JARID2: variants seen among roughly 807,000 people sequenced by gnomAD.
JARID2 encodes protein Jumonji.
Under a neutral mutation model 125.6 loss-of-function variants are expected in JARID2, and 21 were observed. The observed-to-expected ratio is 0.17, with a 90% CI of 0.12 to 0.24. The LOEUF (loss-of-function observed/expected upper bound fraction) is 0.24. Ranked by LOEUF, JARID2 falls within the 10% of genes least tolerant of loss-of-function variation. The pLI, the probability that JARID2 is intolerant of heterozygous loss-of-function variation, is 1.00. For synonymous variants in JARID2, 736 were observed against 661.6 expected, an observed-to-expected ratio of 1.11 and a Z score of -1.73; for missense variants, 1,303 against 1,639.6, an observed-to-expected ratio of 0.79 and a Z score of 3.55.
At chr6:15,420,241 A>G (rs1433398693) in intron 3 of JARID2, among the ~76,000 whole-genome samples, 1 of 152,118 alleles carries the variant, frequency 6.6e-6, no homozygotes, top group Non-Finnish European at 1.5e-5. Flanking sequence ...TGTCTCTACT[A>G]AAAATACAAA....
intron 1 of JARID2, among the ~76,000 whole-genome samples, chr6:15,359,798 T>C (rs1175615427): frequency 6.6e-6 from 1 of 152,014 alleles, no homozygotes; most frequent in East Asian, 1.9e-4. Context: ...GCAATTCTCC[T>C]GTCTCGGCGT....
intron 3 of JARID2, among the ~76,000 whole-genome samples, chr6:15,417,217 CTG>C (rs756129424): frequency 7.2e-5 from 11 of 151,996 alleles, no homozygotes; most frequent in Non-Finnish European, 1.3e-4. Flanking sequence ...TTTGTGGAGA[CTG>C]TGGTGCAGCA....
intron 1 of JARID2, among the ~76,000 whole-genome samples, chr6:15,340,229 T>C (rs1763022462): frequency 6.6e-6 from 1 of 152,220 alleles, no homozygotes; most frequent in African/African-American, 2.4e-5. Flanking sequence ...TTGGGGTGCC[T>C]TTGAAGTGCT....
intron 1 of JARID2, among the ~76,000 whole-genome samples, chr6:15,367,879 C>G (rs1764033509): frequency 6.6e-6 from 1 of 152,220 alleles, no homozygotes; most frequent in African/African-American, 2.4e-5. Context: ...GTATCATCCT[C>G]TGGGTGGCAC....
At chr6:15,266,178 T>C (rs1004500501) in intron 1 of JARID2, among the ~76,000 whole-genome samples, 1 of 152,134 alleles carries the variant, frequency 6.6e-6, no homozygotes, top group Non-Finnish European at 1.5e-5. Flanking sequence ...GGAAGACAAG[T>C]GTGTCCGATG....
chr6:15,339,758 C>T (rs947561211), intron 1 of JARID2, among the ~76,000 whole-genome samples: 1 of 152,136 alleles, frequency 6.6e-6, no homozygotes, highest in Non-Finnish European at 1.5e-5. Flanking sequence ...TGGTCTCGAA[C>T]TCCCAACCTC....
intron 2 of JARID2, among the ~76,000 whole-genome samples, chr6:15,388,334 T>G (rs922137560): frequency 1.3e-5 from 2 of 152,130 alleles, no homozygotes; most frequent in African/African-American, 4.8e-5. Flanking sequence ...GAGTGATTAC[T>G]AGATATGCTT....
intron 2 of JARID2, among the ~76,000 whole-genome samples, chr6:15,399,739 G>T (rs982613515): frequency 8.5e-5 from 13 of 152,154 alleles, no homozygotes; most frequent in Non-Finnish European, 1.6e-4. Context: ...GTCCTCGTTA[G>T]ATGGTTCCAC....
chr6:15,485,113 T>A (rs1009518649), intron 5 of JARID2, among the ~76,000 whole-genome samples: 10 of 152,242 alleles, frequency 6.6e-5, no homozygotes, highest in African/African-American at 1.9e-4. Context: ...CTCTCCATTT[T>A]CTGTGTTAAC....
At chr6:15,437,802 C>CAA (rs397961920) in intron 3 of JARID2, among the ~76,000 whole-genome samples, 5 of 138,682 alleles carry the variant, frequency 3.6e-5, no homozygotes, top group African/African-American at 1.1e-4. Flanking sequence ...GACTCTGTCT[C>CAA]AAAAAAAAAA....
At chr6:15,447,524 G>A (rs924081006) in intron 3 of JARID2, among the ~76,000 whole-genome samples, 1 of 152,188 alleles carries the variant, frequency 6.6e-6, no homozygotes, top group Non-Finnish European at 1.5e-5. Context: ...GGGAGGGCAC[G>A]TATTTTATTT....
intron 3 of JARID2, among the ~76,000 whole-genome samples, chr6:15,423,593 A>G (rs1766596100): frequency 6.6e-6 from 1 of 152,188 alleles, no homozygotes; most frequent in Admixed American, 6.5e-5. Context: ...CTTACGTGGC[A>G]GGATGGACTG....
At chr6:15,256,400 T>C (rs554045734) in intron 1 of JARID2, among the ~76,000 whole-genome samples, 38 of 152,270 alleles carry the variant, frequency 2.5e-4, no homozygotes, top group African/African-American at 8.7e-4. Context: ...GAGGGATAGA[T>C]TGAGAATTAA....
At position 15,496,520 on chromosome 6, in the gene JARID2, AGCTGCGGGAGGG is replaced by A. The variant is rs1770437837; in HGVS notation, c.1303_1314del (p.Glu435_Arg438del). On this transcript the variant is annotated inframe_deletion, in exon 7 of 18. Coordinates refer to ENST00000341776, the MANE Select transcript of JARID2 (RefSeq NM_004973.4). ...GGGCGGCAGCTGCGGGAGGGCCTGC[AGCTGCGGGAGGG>A]GCTGCGGAACTCCAAGAGGAGACTG... 4 of 1,604,994 alleles carry A rather than the reference AGCTGCGGGAGGG, an allele frequency of 2.5e-6. No individual in the cohort carries two copies. Among genetic ancestry groups the A allele is most frequent in the East Asian group, 2.2e-5 (1 of 44,808 alleles).
chr6:15,488,553 A>C (rs1016532678), intron 6 of JARID2, among the ~76,000 whole-genome samples: 1 of 152,184 alleles, frequency 6.6e-6, no homozygotes, highest in Non-Finnish European at 1.5e-5. Flanking sequence ...CCTGGCTGGC[A>C]GTGTTGCAGA....
intron 1 of JARID2, among the ~76,000 whole-genome samples, chr6:15,311,117 C>T (rs373038174): frequency 7.2e-5 from 11 of 152,252 alleles, no homozygotes; most frequent in Admixed American, 3.3e-4. Context: ...GACCCTTCCG[C>T]GTGGCGTATC....
intron 3 of JARID2, among the ~76,000 whole-genome samples, chr6:15,425,645 A>G (rs1242773461): frequency 1.3e-5 from 2 of 152,142 alleles, no homozygotes; most frequent in African/African-American, 4.8e-5. Context: ...CTACTCTACT[A>G]TGTTAGGTAA....
At chr6:15,406,798 G>A (rs1481817084) in intron 2 of JARID2, among the ~76,000 whole-genome samples, 1 of 152,120 alleles carries the variant, frequency 6.6e-6, no homozygotes, top group Non-Finnish European at 1.5e-5. Flanking sequence ...AGGGTGAGAG[G>A]GTGGTTGGGG....
Position 15,496,844 on chromosome 6 carries a change from G to C in JARID2, c.1619G>C (p.Gly540Ala). The C allele has an allele frequency of 6.2e-7, 1 of 1,602,224 alleles. No individual in the cohort carries two copies. The highest frequency in any genetic ancestry group is 8.5e-7 in the Non-Finnish European group (1 of 1,172,284). ...TCCGTGCACAAGCCGCAGGACTCGG[G>C]CAAGGCCGAGAAGGGCGGCGGCAAG... Reference protein sequence around the residue: ...PESVHKPQDSGKAEKGGGKAG... With the variant: ...PESVHKPQDSAKAEKGGGKAG... The change falls in exon 7 of 18, where the codon GGC becomes GCC. Residue 540 changes from glycine to alanine, a missense_variant. This residue lies in a region of JARID2 where 651 missense variants were observed against 581.6 expected (regional missense o/e 1.12). Coordinates refer to ENST00000341776, the MANE Select transcript of JARID2 (RefSeq NM_004973.4).
Sources: allele counts gnomAD v4.1 joint callset (sites outside exome capture counted in the v4.1 genomes callset), GRCh38; gene constraint gnomAD v4.1.1; regional missense constraint gnomAD v4.1.1; transcripts MANE v1.5; gene names NCBI Gene and HGNC (gene_info 2026-07-23, HGNC 2026-07-21).